The following LAMA4 variants were observed in gnomAD, a reference collection of about 807,000 sequenced individuals.
The protein encoded by LAMA4 is laminin subunit alpha-4.
In LAMA4, 127 loss-of-function variants were observed where a neutral mutation model predicts 207.1. The ratio of observed to expected loss-of-function variants is 0.61; its 90% CI spans 0.53 to 0.71. The LOEUF is 0.71. Ranked by LOEUF, LAMA4 falls within the 30% of genes least tolerant of loss-of-function variation. The pLI, the probability that LAMA4 is intolerant of heterozygous loss-of-function variation, is 0.00. For synonymous variants in LAMA4, 761 were observed against 816.0 expected (o/e 0.93, Z 1.15); for missense variants, 2,093 against 2,246.5 (o/e 0.93, Z 1.38).
At chr6:112,135,356 A>G (rs1391748820) in intron 25 of LAMA4, among the ~76,000 whole-genome samples, 1 of 152,110 alleles carries the variant, frequency 6.6e-6, no homozygotes, top group Non-Finnish European at 1.5e-5. Flanking sequence ...GCATGTTACC[A>G]GGTGTAATTT....
chr6:112,134,364 A>G, intron 26 of LAMA4, 103 bp downstream of exon 26: 1 of 1,168,488 alleles, frequency 8.6e-7, no homozygotes, highest in Non-Finnish European at 1.3e-6. Context: ...CCTGTGTGTA[A>G]AAGTAGCAAG....
intron 19 of LAMA4, 105 bp downstream of exon 19, chr6:112,144,689 G>T (rs1444032759): frequency 1.5e-6 from 2 of 1,306,088 alleles, no homozygotes; most frequent in Non-Finnish European, 2.2e-6. Context: ...CTGAGTTGGA[G>T]AATACAGCAG....
rs561926564 is a variant in LAMA4, at chr6:112,158,101, T to C, written c.1817+631A>G. On this transcript the variant is annotated intron_variant, in intron 14 of 38. Transcript: ENST00000230538. ...TTCAGGGTCATGAATTCAATTCTGA[T>C]CTTTCAGTACTTTTCAGTTAACATT... 1.2e-4 allele frequency: 18 copies of C among 153,056 alleles called. No homozygotes were observed. The East Asian group carries it at 3.5e-3, about 29-fold the overall frequency. The allele number at this position is 153,056 out of a possible 1,614,324, so 9.5% of individuals were successfully genotyped here. A position where few individuals can be genotyped will look rare whatever the true frequency, so the allele number is the denominator to read the frequency against.
chr6:112,168,652 C>T (rs1781538881), intron 12 of LAMA4, among the ~76,000 whole-genome samples: 1 of 152,026 alleles, frequency 6.6e-6, no homozygotes, highest in South Asian at 2.1e-4. Flanking sequence ...GCATTCTTAA[C>T]CCAGGGTTAA....
chr6:112,207,789 G>C (rs1784149223), intron 3 of LAMA4, among the ~76,000 whole-genome samples: 1 of 152,028 alleles, frequency 6.6e-6, no homozygotes, highest in African/African-American at 2.4e-5. Flanking sequence ...TGACCCTTCT[G>C]TCTGGAATGC....
chr6:112,238,338 C>T (rs1336907696), intron 2 of LAMA4, among the ~76,000 whole-genome samples: 4 of 152,128 alleles, frequency 2.6e-5, no homozygotes, highest in African/African-American at 7.2e-5. Flanking sequence ...ACTGATCAAT[C>T]GAGTGTCCCT....
In LAMA4 at chr6:112,117,880, A is replaced by G; in HGVS notation, c.4840T>C (p.Phe1614Leu). ...KNVQINSIYS[F>L]SGCLSNLQLN... is the part of the protein sequence containing the mutation. Reference sequence around the variant, plus strand: ...TGGAGATTGCTGAGACAGCCACTAAAACTGTAGATGGAGTTAATCTGAGGG... The same window carrying G: ...TGGAGATTGCTGAGACAGCCACTAAGACTGTAGATGGAGTTAATCTGAGGG... Residue 1614 changes from phenylalanine (F) to leucine (L), a missense_variant, in exon 35 of 39, where the codon TTT becomes CTT. Physicochemically the swap from Phe to Leu is conservative, Grantham distance 22. This residue lies in a region of LAMA4 where 383 missense variants were observed against 437.8 expected (regional missense o/e 0.87). Transcript: ENST00000230538. This position sits in a 1 kb window ranked among gnomAD's most constrained non-coding sequence, Gnocchi z 4.5. 1.2e-6 allele frequency: 2 copies of G among 1,613,534 alleles called. No individual in the cohort carries two copies. The highest frequency in any genetic ancestry group is 1.7e-6 in the Non-Finnish European group (2 of 1,179,578).
In LAMA4 at chr6:112,186,851, T is replaced by C. The variant is rs1262510509; in HGVS notation, c.966+599A>G. 6.6e-6 allele frequency: 3 copies of C among 455,600 alleles called. No homozygotes were observed. The Admixed American group carries it at 7.0e-5, about 11-fold the overall frequency. 28.2% of individuals were successfully genotyped at this position (455,600 alleles called of 1,614,324 possible). A position where few individuals can be genotyped will look rare whatever the true frequency, so the allele number is the denominator to read the frequency against. ...TGGAGGGCCAACTGTATTACTGTTT[T>C]TGTTTTTTAATCTGTTGGCTGCTTT... is the stretch of plus-strand genomic sequence containing the variant. On this transcript the variant is annotated intron_variant, in intron 8 of 38. Coordinates refer to ENST00000230538, the MANE Select transcript of LAMA4 (RefSeq NM_001105206.3).
intron 2 of LAMA4, among the ~76,000 whole-genome samples, chr6:112,220,931 G>C (rs1404516926): frequency 1.3e-5 from 2 of 152,000 alleles, no homozygotes; most frequent in African/African-American, 4.8e-5. Flanking sequence ...TATCACAGAG[G>C]AGCTAATTAA....
intron 2 of LAMA4, among the ~76,000 whole-genome samples, chr6:112,242,758 T>C (rs1786609424): frequency 6.6e-6 from 1 of 152,338 alleles, no homozygotes; most frequent in South Asian, 2.1e-4. Flanking sequence ...CTTGAACATA[T>C]TTGCTTCCAC....
chr6:112,128,793 G>T, intron 31 of LAMA4, 129 bp downstream of exon 31: 1 of 744,296 alleles, frequency 1.3e-6, no homozygotes, highest in Non-Finnish European at 2.3e-6. Flanking sequence ...ATGTGATACT[G>T]CAAGAATCCC....
At chr6:112,193,686 C>A (rs1387791209) in intron 5 of LAMA4, among the ~76,000 whole-genome samples, 1 of 152,110 alleles carries the variant, frequency 6.6e-6, no homozygotes, top group East Asian at 1.9e-4. Flanking sequence ...GGGAGGGAGG[C>A]CACACAGGCC....
At chr6:112,214,556 T>C (rs1784523495) in intron 3 of LAMA4, among the ~76,000 whole-genome samples, 1 of 152,232 alleles carries the variant, frequency 6.6e-6, no homozygotes, top group Non-Finnish European at 1.5e-5. Flanking sequence ...TCTGTTTTCT[T>C]ACACTGAACA....
Position 112,175,312 on chromosome 6 carries a change from C to T in LAMA4, c.1357+1G>A, listed in dbSNP as rs1057524730. 6 of 1,613,830 alleles carry T rather than the reference C, an allele frequency of 3.7e-6. No homozygotes were observed. Among genetic ancestry groups the T allele is most frequent in the East Asian group, 4.5e-5 (2 of 44,892 alleles). On this transcript the variant is annotated splice_donor_variant, in intron 11 of 38. Coordinates refer to ENST00000230538, the MANE Select transcript of LAMA4 (RefSeq NM_001105206.3). LOFTEE classifies it high-confidence loss of function. ...GTCAGCTATGAGAGGAATACACCTACGTTCGTAAGCCTCATCTGCCTCCTC... is the reference window on the plus strand; with the variant it reads ...GTCAGCTATGAGAGGAATACACCTATGTTCGTAAGCCTCATCTGCCTCCTC...
At position 112,109,099 on chromosome 6, in the gene LAMA4, C is replaced by G. The variant is rs1777559146; in HGVS notation, c.*338G>C. The G allele has an allele frequency of 3.4e-6, 1 of 292,152 alleles. No homozygotes were observed. The highest frequency in any genetic ancestry group is 6.6e-6 in the Non-Finnish European group (1 of 151,806). 18.1% of individuals were successfully genotyped at this position (292,152 alleles called of 1,614,324 possible). ...CTGGAAGAAAGGTGAATCTGAGAAT[C>G]TAGCCGCACTTCAAAAATGTGTGCA... On this transcript the variant is annotated 3_prime_UTR_variant, in exon 39 of 39. Coordinates refer to ENST00000230538, the MANE Select transcript of LAMA4 (RefSeq NM_001105206.3).
At position 112,115,900 on chromosome 6, in the gene LAMA4, T is replaced by G; in HGVS notation, c.5075A>C (p.Asn1692Thr). 6.2e-7 allele frequency: 1 copy of G among 1,613,556 alleles called. No individual in the cohort carries two copies. The highest frequency in any genetic ancestry group is 8.5e-7 in the Non-Finnish European group (1 of 1,179,580). Residue 1692 changes from asparagine to threonine, a missense_variant, in exon 36 of 39, where the codon AAT becomes ACT. Around this residue, in one of 3 missense-constraint regions of LAMA4, gnomAD observed 383 missense variants for 437.8 expected, o/e 0.87. Coordinates refer to ENST00000230538, the MANE Select transcript of LAMA4 (RefSeq NM_001105206.3). ...CATGTGAACATTTAGGTACTCCCCA[T>G]TGACACTGTGGCCGTGGACCAGGGT... ...SGTLVHGHSV[N>T]GEYLNVHMKN...
chr6:112,157,763 T>C (rs563361497), intron 14 of LAMA4, among the ~76,000 whole-genome samples: 9 of 152,306 alleles, frequency 5.9e-5, no homozygotes, highest in Admixed American at 3.9e-4. Context: ...TAGTATATTA[T>C]CAAAATAGTG....
At chr6:112,112,135 C>T (rs1777737110) in intron 38 of LAMA4, among the ~76,000 whole-genome samples, 1 of 152,074 alleles carries the variant, frequency 6.6e-6, no homozygotes, top group Non-Finnish European at 1.5e-5. Context: ...CTAAGTGCTA[C>T]AACAGCAGTA....
chr6:112,201,951 C>G (rs1327235821), intron 4 of LAMA4, among the ~76,000 whole-genome samples: 6 of 152,102 alleles, frequency 3.9e-5, no homozygotes, highest in Admixed American at 1.3e-4. Context: ...TATCCCAAAG[C>G]TGGAAATAAA....
Sources: gnomAD v4.1 joint callset for allele counts (sites outside exome capture counted in the v4.1 genomes callset) on GRCh38, gnomAD v4.1.1 for gene constraint, gnomAD v4.1.1 regional missense constraint, Gnocchi (gnomAD v3.1) non-coding constraint, MANE v1.5 for transcripts, NCBI Gene and HGNC (gene_info 2026-07-23, HGNC 2026-07-21) for gene names.